EZR: variants seen among roughly 807,000 people sequenced by gnomAD.
The protein encoded by EZR is cytovillin 2.
A neutral mutation model predicts 74.8 loss-of-function variants in EZR; 40 were observed. That is an observed-to-expected ratio of 0.53 (90% CI 0.42 to 0.70). The LOEUF is 0.70. EZR is among the 30% of genes least tolerant of loss of function. The probability of loss-of-function intolerance (pLI) is 0.00; values close to 1 mark genes in which losing one functional copy is unlikely to be tolerated. For synonymous variants in EZR, 341 were observed against 283.3 expected, an observed-to-expected ratio of 1.20 and a Z score of -2.05; for missense variants, 678 against 755.8, an observed-to-expected ratio of 0.90 and a Z score of 1.21.
At chr6:158,790,394 C>G (rs138039750) in intron 2 of EZR, among the ~76,000 whole-genome samples, 1 of 152,200 alleles carries the variant, frequency 6.6e-6, no homozygotes, top group Non-Finnish European at 1.5e-5. Flanking sequence ...AAAACACTGT[C>G]GGGCGCATTG....
intron 2 of EZR, among the ~76,000 whole-genome samples, chr6:158,812,962 C>T (rs1013035185): frequency 1.3e-5 from 2 of 152,212 alleles, no homozygotes; most frequent in Non-Finnish European, 2.9e-5. Context: ...TGAGCTCCCT[C>T]AATGGTCTAC....
At position 158,818,133 on chromosome 6, in the gene EZR, G is replaced by T; in HGVS notation, c.-40C>A. 2 of 1,606,204 alleles carry T rather than the reference G, an allele frequency of 1.2e-6. No individual in the cohort carries two copies. The highest frequency in any genetic ancestry group is 1.7e-6 in the Non-Finnish European group (2 of 1,174,868). ...GAGTATCCTCGATCCCCGAAAACACGACTATCCAGCAGCAGCGAAGACGCT... is the reference window on the plus strand; with the variant it reads ...GAGTATCCTCGATCCCCGAAAACACTACTATCCAGCAGCAGCGAAGACGCT... On this transcript the variant is annotated 5_prime_UTR_variant, in exon 2 of 14. Transcript: ENST00000367075.
At chr6:158,813,238 GTCC>G (rs763844159) in intron 2 of EZR, among the ~76,000 whole-genome samples, 21 of 152,192 alleles carry the variant, frequency 1.4e-4, no homozygotes, top group Non-Finnish European at 2.9e-4. Context: ...GGGAGGTCAC[GTCC>G]TCAAGGATGC....
Position 158,789,379 on chromosome 6 carries a change from A to T in EZR, c.13-8T>A. The T allele has an allele frequency of 6.2e-7, 1 of 1,611,742 alleles. No individual in the cohort carries two copies. The highest frequency in any genetic ancestry group is 8.5e-7 in the Non-Finnish European group (1 of 1,177,830). ...GGTAACTCGGACATTGATCTGAAAAACAGAATGAAACAAATTACGCTTAAC... is the reference window on the plus strand; with the variant it reads ...GGTAACTCGGACATTGATCTGAAAATCAGAATGAAACAAATTACGCTTAAC... On this transcript the variant is annotated splice_polypyrimidine_tract_variant and splice_region_variant and intron_variant, in intron 2 of 13. Transcript: ENST00000367075.
At chr6:158,798,888 CA>C (rs1332101306) in intron 2 of EZR, among the ~76,000 whole-genome samples, 4 of 152,164 alleles carry the variant, frequency 2.6e-5, no homozygotes, top group African/African-American at 9.6e-5. Context: ...CTCAGTTTCT[CA>C]AAGTGCTGGG....
chr6:158,814,331 A>C (rs576270567), intron 2 of EZR, among the ~76,000 whole-genome samples: 8 of 152,146 alleles, frequency 5.3e-5, no homozygotes, highest in African/African-American at 1.9e-4. Flanking sequence ...TTCTCAATAC[A>C]GTCTGCCAAT....
At chr6:158,804,844 T>A (rs937866579) in intron 2 of EZR, among the ~76,000 whole-genome samples, 1 of 151,252 alleles carries the variant, frequency 6.6e-6, no homozygotes, top group African/African-American at 2.4e-5. Context: ...ACATGTGCCA[T>A]GCTGGTGCGC....
intron 2 of EZR, among the ~76,000 whole-genome samples, chr6:158,812,520 CCCTT>C (rs1777471724): frequency 6.6e-6 from 1 of 152,130 alleles, no homozygotes; most frequent in African/African-American, 2.4e-5. Flanking sequence ...ACTAAATTAA[CCCTT>C]CCTCTTAACT....
rs762239919 is a variant in EZR at position 158,770,844 on chromosome 6, TTC to T, written c.1008_1009del (p.Lys337ArgfsTer18). The T allele has an allele frequency of 2.5e-6, 4 of 1,614,094 alleles. No homozygotes were observed. Among genetic ancestry groups the T allele is most frequent in the African/African-American group, 2.7e-5 (2 of 74,942 alleles). On this transcript the variant is annotated frameshift_variant, in exon 10 of 14. Transcript: ENST00000367075. LOFTEE classifies it high-confidence loss of function. ...CTCCTTCTCGCGCATCATCTGCTCTTTCTCTCTCTCCACGGTTTCTCTCCTTT... is the reference window on the plus strand; with the variant it reads ...CTCCTTCTCGCGCATCATCTGCTCTTTCTCTCTCCACGGTTTCTCTCCTTT...
chr6:158,813,576 G>C (rs756803366), intron 2 of EZR, among the ~76,000 whole-genome samples: 1 of 152,238 alleles, frequency 6.6e-6, no homozygotes, highest in Non-Finnish European at 1.5e-5. Context: ...CAGATGCTAC[G>C]CATCCTCCTC....
chr6:158,805,337 G>GAAAAA (rs56269785), intron 2 of EZR, among the ~76,000 whole-genome samples: 5 of 116,892 alleles, frequency 4.3e-5, no homozygotes, highest in Admixed American at 2.0e-4. Context: ...TCCATCTCAG[G>GAAAAA]AAAAAAAAAA....
chr6:158,786,497 A>G (rs1185472452), intron 4 of EZR, among the ~76,000 whole-genome samples: 1 of 152,220 alleles, frequency 6.6e-6, no homozygotes, highest in Non-Finnish European at 1.5e-5. Flanking sequence ...GGAGAACTCA[A>G]ATTTGGAAAT....
rs757001899 is a variant in EZR at position 158,766,896 on chromosome 6, T to C, written c.*18A>G. The C allele has an allele frequency of 6.2e-7, 1 of 1,612,148 alleles. No homozygotes were observed. The highest frequency in any genetic ancestry group is 8.5e-7 in the Non-Finnish European group (1 of 1,178,726). On this transcript the variant is annotated 3_prime_UTR_variant, in exon 14 of 14. Transcript: ENST00000367075. ...GCCCGCTATGAGCACCCCTCTGCCCTTGGTCCTGGCCTGGCTGTTACAGGG... is the reference window on the plus strand; with the variant it reads ...GCCCGCTATGAGCACCCCTCTGCCCCTGGTCCTGGCCTGGCTGTTACAGGG...
Position 158,776,297 on chromosome 6 carries a change from T to G in EZR, c.795+111A>C, listed in dbSNP as rs1267148034. On this transcript the variant is annotated intron_variant, in intron 8 of 13. Coordinates refer to ENST00000367075, the MANE Select transcript of EZR (RefSeq NM_001111077.2). ...ATCTCTGGCCCTCAATGTAACCTCATGAGGAGTTTGGACTATCACTGGCTA... is the reference window on the plus strand; with the variant it reads ...ATCTCTGGCCCTCAATGTAACCTCAGGAGGAGTTTGGACTATCACTGGCTA... 21 of 882,148 alleles carry G rather than the reference T, an allele frequency of 2.4e-5. No individual in the cohort carries two copies. In the Admixed American group the frequency reaches 3.9e-4, roughly 16 times the overall value. 54.6% of individuals were successfully genotyped at this position (882,148 alleles called of 1,614,324 possible). A position where few individuals can be genotyped will look rare whatever the true frequency, so the allele number is the denominator to read the frequency against.
In EZR at chr6:158,789,313, G is replaced by A; in HGVS notation, c.71C>T (p.Thr24Ile). The A allele has an allele frequency of 6.2e-7, 1 of 1,614,106 alleles. No individual in the cohort carries two copies. The highest frequency in any genetic ancestry group is 1.1e-5 in the South Asian group (1 of 91,076). Residue 24 changes from threonine to isoleucine, a missense_variant, in exon 3 of 14, where the codon ACA becomes ATA. Thr to Ile is a moderately conservative substitution (Grantham distance 89, BLOSUM62 -1). Transcript: ENST00000367075. ...AELEFAIQPN[T>I]TGKQLFDQVV... is the part of the protein sequence containing the mutation. ...CTGATCAAAAAGCTGTTTTCCAGTT[G>A]TATTTGGCTGGATTGCAAACTCCAG...
At chr6:158,793,754 G>A (rs79258143) in intron 2 of EZR, among the ~76,000 whole-genome samples, 3,041 of 152,266 alleles carry the variant, frequency 0.02, 113 homozygotes, top group African/African-American at 0.07. Flanking sequence ...TGGGGAAAAG[G>A]GAGGAGATCC....
At chr6:158,781,265 T>C (rs528131702) in intron 7 of EZR, among the ~76,000 whole-genome samples, 1 of 152,316 alleles carries the variant, frequency 6.6e-6, no homozygotes, top group Non-Finnish European at 1.5e-5. Flanking sequence ...ACTGAATATC[T>C]ACATAAATGC....
chr6:158,818,917 TC>T (rs1003298208), intron 1 of EZR, among the ~76,000 whole-genome samples: 9 of 151,846 alleles, frequency 5.9e-5, no homozygotes, highest in African/African-American at 2.2e-4. Flanking sequence ...CCGAGGAACT[TC>T]CCGGGGCTGC....
intron 2 of EZR, among the ~76,000 whole-genome samples, chr6:158,800,749 C>T (rs1467468664): frequency 6.6e-6 from 1 of 152,042 alleles, no homozygotes; most frequent in Non-Finnish European, 1.5e-5. Context: ...CTGCAGTGTG[C>T]CGAGATTGCA....
Sources: allele counts gnomAD v4.1 joint callset (sites outside exome capture counted in the v4.1 genomes callset), GRCh38; gene constraint gnomAD v4.1.1; transcripts MANE v1.5; gene names NCBI Gene and HGNC (gene_info 2026-07-23, HGNC 2026-07-21).